Variants in AK5 observed in about 807,000 individuals in gnomAD.
AK5 encodes the protein adenylate kinase 5.
Under a neutral mutation model 69.5 loss-of-function variants are expected in AK5, and 27 were observed. The ratio of observed to expected loss-of-function variants is 0.39; its 90% confidence interval spans 0.29 to 0.54. The LOEUF (loss-of-function observed/expected upper bound fraction) is 0.54. Among genes scored for constraint, AK5 ranks in the 20% least tolerant of loss-of-function variants. The pLI is 0.71. For synonymous variants in AK5, 260 were observed against 244.4 expected (o/e 1.06, Z -0.60); for missense variants, 531 against 700.4 (o/e 0.76, Z 2.73).
At chr1:77,287,161 A>C in intron 2 of AK5, 34 bp downstream of exon 2, 1 of 1,396,394 alleles carries the variant, frequency 7.2e-7, no homozygotes, top group Non-Finnish European at 9.5e-7. Flanking sequence ...ACAGTTTTAT[A>C]GTTATAGCAA....
At chr1:77,485,457 TCTAA>T (rs1314558000) in intron 9 of AK5, among the ~76,000 whole-genome samples, 1 of 152,230 alleles carries the variant, frequency 6.6e-6, no homozygotes, top group African/African-American at 2.4e-5. Context: ...AGAATAATGA[TCTAA>T]CTTTCAAAAG....
rs779992202 is a variant in AK5, at chr1:77,340,562, C to T, written c.885C>T (p.Ile295=). 1 of 1,613,622 alleles carries T rather than the reference C, an allele frequency of 6.2e-7. No individual in the cohort carries two copies. Among genetic ancestry groups the T allele is most frequent in the South Asian group, 1.1e-5 (1 of 91,028 alleles). ...LVKYFQEKGL[I]MTFDADRDED... ...AATACTTCCAGGAAAAGGGGCTCAT[C>T]ATGACAGTAAGTTAGCTCGACTTTT... The change falls in exon 6 of 14, where the codon ATC becomes ATT. Residue 295 remains isoleucine (I), a synonymous_variant. Coordinates refer to ENST00000354567, the MANE Select transcript of AK5 (RefSeq NM_174858.3).
At chr1:77,518,078 A>G (rs1279098395) in intron 10 of AK5, among the ~76,000 whole-genome samples, 1 of 152,348 alleles carries the variant, frequency 6.6e-6, no homozygotes, top group Non-Finnish European at 1.5e-5. Context: ...ATTGCTGAAA[A>G]TAAAAACACT....
chr1:77,465,476 T>C (rs1254270977), intron 8 of AK5, among the ~76,000 whole-genome samples: 2 of 152,232 alleles, frequency 1.3e-5, no homozygotes, highest in Non-Finnish European at 2.9e-5. Context: ...CCCAAAGCTT[T>C]CCTAGGACTT....
chr1:77,428,684 T>C (rs1651379899), intron 8 of AK5, among the ~76,000 whole-genome samples: 1 of 152,192 alleles, frequency 6.6e-6, no homozygotes, highest in African/African-American at 2.4e-5. Flanking sequence ...ACATGTGCCA[T>C]GTTGGTGTAC....
At chr1:77,516,792 C>T (rs1050656039) in intron 10 of AK5, among the ~76,000 whole-genome samples, 1 of 151,864 alleles carries the variant, frequency 6.6e-6, no homozygotes, top group African/African-American at 2.4e-5. Context: ...GAGAGGGGCC[C>T]GGCACAGTGG....
At chr1:77,426,264 T>C (rs1442076913) in intron 8 of AK5, among the ~76,000 whole-genome samples, 1 of 152,172 alleles carries the variant, frequency 6.6e-6, no homozygotes, top group Non-Finnish European at 1.5e-5. Flanking sequence ...AAGACACATA[T>C]AGATTAAAAG....
At chr1:77,395,306 C>T (rs1347557573) in intron 6 of AK5, among the ~76,000 whole-genome samples, 1 of 152,182 alleles carries the variant, frequency 6.6e-6, no homozygotes, top group South Asian at 2.1e-4. Context: ...TTAAAATTGG[C>T]ATTAATTTTG....
At chr1:77,455,505 T>C (rs899105108) in intron 8 of AK5, among the ~76,000 whole-genome samples, 30 of 152,100 alleles carry the variant, frequency 2.0e-4, no homozygotes, top group African/African-American at 7.0e-4. Flanking sequence ...TGAGATTTAA[T>C]AGTGAGGGCA....
intron 5 of AK5, among the ~76,000 whole-genome samples, chr1:77,320,368 A>G (rs913087725): frequency 6.6e-5 from 10 of 152,224 alleles, no homozygotes; most frequent in African/African-American, 2.4e-4. Context: ...TGGGATTTTC[A>G]TTATGTGGGT....
chr1:77,552,022 C>A (rs565387913), intron 13 of AK5, among the ~76,000 whole-genome samples: 40 of 152,274 alleles, frequency 2.6e-4, no homozygotes, highest in African/African-American at 9.4e-4. Context: ...CTGTGCACTT[C>A]CTCGTAAAAC....
chr1:77,304,410 C>CTTTTTTT (rs59515509), intron 5 of AK5, among the ~76,000 whole-genome samples: 2 of 142,004 alleles, frequency 1.4e-5, no homozygotes, highest in African/African-American at 5.3e-5. Flanking sequence ...CTTTTCTTTT[C>CTTTTTTT]TTTTTTTTTT....
At chr1:77,523,373 G>C (rs1049234700) in intron 12 of AK5, among the ~76,000 whole-genome samples, 1 of 152,124 alleles carries the variant, frequency 6.6e-6, no homozygotes, top group African/African-American at 2.4e-5. Context: ...GTTTTAGGCA[G>C]TTCTTGATGG....
rs766199030 is a variant in AK5, at chr1:77,489,657, A to T, written c.1147+3305A>T. ...TTGTCTTGGCATATACCCGAAAAAC[A>T]TTGGGGCTGCAGTATTAGCCAGAGT... is the stretch of plus-strand genomic sequence containing the variant. On this transcript the variant is annotated intron_variant, in intron 10 of 13. Coordinates refer to ENST00000354567, the MANE Select transcript of AK5 (RefSeq NM_174858.3). Among the ~76,000 whole-genome samples, 57 of 152,336 alleles carry T rather than the reference A, an allele frequency of 3.7e-4. 1 individual carries two copies. The highest frequency in any genetic ancestry group is 8.3e-4 in the South Asian group (4 of 4,832).
At chr1:77,537,961 A>C (rs938067625) in intron 13 of AK5, among the ~76,000 whole-genome samples, 1 of 152,214 alleles carries the variant, frequency 6.6e-6, no homozygotes, top group African/African-American at 2.4e-5. Context: ...GCCAATTAAT[A>C]GGACTTGATG....
chr1:77,367,763 A>AAT (rs370607078), intron 6 of AK5, among the ~76,000 whole-genome samples: 2 of 6,260 alleles, frequency 3.2e-4, no homozygotes, highest in African/African-American at 8.9e-4. Context: ...TGTTATATAT[A>AAT]ATATATGTTA....
chr1:77,469,911 A>G (rs971910784), intron 8 of AK5, among the ~76,000 whole-genome samples: 2 of 152,228 alleles, frequency 1.3e-5, no homozygotes, highest in Non-Finnish European at 2.9e-5. Flanking sequence ...CTACAAAGTG[A>G]CACTGTAGGA....
chr1:77,373,845 A>G (rs1443522576), intron 6 of AK5, among the ~76,000 whole-genome samples: 1 of 152,170 alleles, frequency 6.6e-6, no homozygotes, highest in African/African-American at 2.4e-5. Context: ...TAAATTGTAA[A>G]TTTACTTTTG....
chr1:77,467,397 C>T (rs766808218), intron 8 of AK5, among the ~76,000 whole-genome samples: 3 of 152,186 alleles, frequency 2.0e-5, no homozygotes, highest in Non-Finnish European at 2.9e-5. Flanking sequence ...CTGCGCAGAG[C>T]CTGCTGCTCA....
Sources: allele counts gnomAD v4.1 joint callset (sites outside exome capture counted in the v4.1 genomes callset), GRCh38; gene constraint gnomAD v4.1.1; transcripts MANE v1.5; gene names NCBI Gene and HGNC (gene_info 2026-07-23, HGNC 2026-07-21).